The following TSHZ2 variants were observed in gnomAD, a reference collection of about 807,000 sequenced individuals.
TSHZ2 encodes teashirt homolog 2.
Under a neutral mutation model 74.4 loss-of-function variants are expected in TSHZ2, and 21 were observed. The observed-to-expected ratio is 0.28, with a 90% CI of 0.20 to 0.41. TSHZ2 has a LOEUF of 0.41. Ranked by LOEUF, TSHZ2 falls within the 10% of genes least tolerant of loss-of-function variation. The pLI is 1.00. For missense variants in TSHZ2, 1,244 were observed against 1,293.5 expected, an observed-to-expected ratio of 0.96 and a Z score of 0.59; for synonymous variants, 540 against 515.3, an observed-to-expected ratio of 1.05 and a Z score of -0.65.
chr20:53,394,185 A>G (rs911567275), intron 2 of TSHZ2, among the ~76,000 whole-genome samples: 1 of 152,200 alleles, frequency 6.6e-6, no homozygotes, highest in South Asian at 2.1e-4. Flanking sequence ...TAGACCTGCT[A>G]TCTCATTCTT....
Position 53,169,308 on chromosome 20 carries a change from G to T in TSHZ2, c.41-84191G>T, listed in dbSNP as rs1301625592. 4.6e-5 allele frequency among the ~76,000 whole-genome samples: 7 copies of T among 152,182 alleles called. No individual in the cohort carries two copies. The East Asian group carries it at 1.3e-3, about 29-fold the overall frequency. Reference sequence around the variant, plus strand: ...TCCTCCAATCTGGTAAACTCTCCAAGCCATAATTGTACCAGCTTCTGGCCT... The same window carrying T: ...TCCTCCAATCTGGTAAACTCTCCAATCCATAATTGTACCAGCTTCTGGCCT... On this transcript the variant is annotated intron_variant, in intron 1 of 2. Transcript: ENST00000371497.
In TSHZ2 at chr20:53,085,779, G is replaced by A. The variant is rs553010012; in HGVS notation, c.40+112446G>A. ...GCCCCCAGGATTCAGGGCCAGAAAG[G>A]TGCCTAGCTGCAAAGTCATGCCCAT... is the stretch of plus-strand genomic sequence containing the variant. On this transcript the variant is annotated intron_variant, in intron 1 of 2. Coordinates refer to ENST00000371497, the MANE Select transcript of TSHZ2 (RefSeq NM_173485.6). 2.0e-5 allele frequency among the ~76,000 whole-genome samples: 3 copies of A among 152,300 alleles called. No homozygotes were observed. The South Asian group carries it at 6.2e-4, about 32-fold the overall frequency.
intron 2 of TSHZ2, among the ~76,000 whole-genome samples, chr20:53,408,141 TC>T (rs1363355264): frequency 3.3e-5 from 5 of 152,140 alleles, no homozygotes; most frequent in African/African-American, 7.2e-5. Flanking sequence ...GTGTCTGGAC[TC>T]CCCCTGAATC....
At chr20:53,430,316 G>C (rs1057410464) in intron 2 of TSHZ2, among the ~76,000 whole-genome samples, 2 of 151,966 alleles carry the variant, frequency 1.3e-5, no homozygotes, top group African/African-American at 4.8e-5. Context: ...CATTGCCCAG[G>C]CTGGTCTCAA....
intron 2 of TSHZ2, among the ~76,000 whole-genome samples, chr20:53,317,336 T>C (rs1979065657): frequency 6.6e-6 from 1 of 152,232 alleles, no homozygotes; most frequent in African/African-American, 2.4e-5. Flanking sequence ...TTGTTGATTA[T>C]GTTTTATCCT....
chr20:53,305,110 T>A (rs1403545421), intron 2 of TSHZ2, among the ~76,000 whole-genome samples: 1 of 150,756 alleles, frequency 6.6e-6, no homozygotes. Flanking sequence ...TAATTTTTTT[T>A]TGTATTTTTA....
chr20:53,176,956 A>T (rs1988357534), intron 1 of TSHZ2, among the ~76,000 whole-genome samples: 1 of 152,174 alleles, frequency 6.6e-6, no homozygotes, highest in African/African-American at 2.4e-5. Context: ...AAGTGCTGGG[A>T]TTACAGGCAC....
At chr20:53,184,867 C>T (rs1258002583) in intron 1 of TSHZ2, among the ~76,000 whole-genome samples, 1 of 152,092 alleles carries the variant, frequency 6.6e-6, no homozygotes, top group Non-Finnish European at 1.5e-5. Flanking sequence ...ACCACCATGC[C>T]TTGTTAATTT....
intron 1 of TSHZ2, among the ~76,000 whole-genome samples, chr20:53,207,042 A>G (rs1989186145): frequency 1.3e-5 from 2 of 152,094 alleles, no homozygotes; most frequent in South Asian, 4.2e-4. Flanking sequence ...CACCTGCTCA[A>G]CCTGACAAAT....
intron 2 of TSHZ2, among the ~76,000 whole-genome samples, chr20:53,268,301 A>G (rs1170323139): frequency 6.6e-6 from 1 of 152,210 alleles, no homozygotes; most frequent in East Asian, 1.9e-4. Flanking sequence ...TGTCACGTCA[A>G]CAAAGATGGG....
chr20:53,231,090 A>C (rs898794327), intron 1 of TSHZ2, among the ~76,000 whole-genome samples: 1 of 152,184 alleles, frequency 6.6e-6, no homozygotes, highest in Non-Finnish European at 1.5e-5. Flanking sequence ...CAGCAACTTC[A>C]CTTTGTCTCC....
intron 1 of TSHZ2, among the ~76,000 whole-genome samples, chr20:53,050,101 G>GTATATATA (rs1213487235): frequency 2.8e-4 from 17 of 60,448 alleles, no homozygotes; most frequent in African/African-American, 2.2e-3. Flanking sequence ...ATGTATATGT[G>GTATATATA]TGTATATATA....
chr20:53,259,440 C>T (rs187581005), intron 2 of TSHZ2, among the ~76,000 whole-genome samples: 7 of 152,318 alleles, frequency 4.6e-5, no homozygotes, highest in Non-Finnish European at 1.0e-4. Flanking sequence ...TAATCTAAAA[C>T]AATTTCAATA....
At chr20:53,129,779 T>G (rs1438651464) in intron 1 of TSHZ2, among the ~76,000 whole-genome samples, 1 of 152,052 alleles carries the variant, frequency 6.6e-6, no homozygotes, top group African/African-American at 2.4e-5. Flanking sequence ...GTGCCTTGCT[T>G]AACCTTCGGT....
chr20:52,974,190 G>A (rs1600623950), intron 1 of TSHZ2, among the ~76,000 whole-genome samples: 1 of 151,972 alleles, frequency 6.6e-6, no homozygotes, highest in Non-Finnish European at 1.5e-5. Flanking sequence ...TTTGTTTCTC[G>A]GAAATGTAAT....
intron 2 of TSHZ2, chr20:53,421,684 T>TTTTTTTTG (rs1983474930): frequency 1.4e-5 from 1 of 73,702 alleles, no homozygotes; most frequent in African/African-American, 5.5e-5. Context: ...GTTTTTGGTT[T>TTTTTTTTG]TTTTTTTTTT....
intron 1 of TSHZ2, among the ~76,000 whole-genome samples, chr20:53,247,144 G>A (rs766462504): frequency 1.5e-4 from 23 of 152,132 alleles, no homozygotes; most frequent in Non-Finnish European, 2.5e-4. Context: ...CTTCTCTCTC[G>A]ATCCGTATAT....
At chr20:53,422,821 T>C (rs935201248) in intron 2 of TSHZ2, among the ~76,000 whole-genome samples, 2 of 152,226 alleles carry the variant, frequency 1.3e-5, no homozygotes, top group Non-Finnish European at 1.5e-5. Context: ...CTGATCTCCT[T>C]CAATATACAG....
chr20:53,070,284 TGA>T (rs1443326090), intron 1 of TSHZ2, among the ~76,000 whole-genome samples: 2 of 152,188 alleles, frequency 1.3e-5, no homozygotes, highest in Non-Finnish European at 2.9e-5. Flanking sequence ...CAGTAAGGAC[TGA>T]GAGAATCCAC....
Sources: gnomAD v4.1 joint callset for allele counts (sites outside exome capture counted in the v4.1 genomes callset) on GRCh38, gnomAD v4.1.1 for gene constraint, MANE v1.5 for transcripts, NCBI Gene and HGNC (gene_info 2026-07-23, HGNC 2026-07-21) for gene names.